Variants in SPEF2 observed in about 807,000 individuals in gnomAD.
The protein encoded by SPEF2 is sperm flagellar and cilia associated 2, also known as sperm flagella and cilia-associated protein 2.
A neutral mutation model predicts 224.6 loss-of-function variants in SPEF2; 187 were observed. The ratio of observed to expected loss-of-function variants is 0.83; its 90% CI spans 0.74 to 0.94. The LOEUF (loss-of-function observed/expected upper bound fraction) is 0.94, where lower values mean the gene tolerates loss of function less well. Ranked by LOEUF, SPEF2 falls within the 40% of genes least tolerant of loss-of-function variation. The pLI, the probability that SPEF2 is intolerant of heterozygous loss-of-function variation, is 0.00. For synonymous variants in SPEF2, 715 were observed against 707.3 expected, an observed-to-expected ratio of 1.01 and a Z score of -0.17; for missense variants, 2,170 against 2,135.6, an observed-to-expected ratio of 1.02 and a Z score of -0.32.
intron 20 of SPEF2, among the ~76,000 whole-genome samples, chr5:35,719,683 G>T (rs10067721): frequency 0.02 from 3,090 of 152,002 alleles, 115 homozygotes; most frequent in African/African-American, 0.072. Context: ...GTGCAGTAGC[G>T]TGATCTTGGC....
intron 20 of SPEF2, among the ~76,000 whole-genome samples, chr5:35,726,379 A>G (rs1485090693): frequency 6.6e-6 from 1 of 152,188 alleles, no homozygotes; most frequent in Non-Finnish European, 1.5e-5. Flanking sequence ...CCAGAGATTC[A>G]GGTCAAAGGA....
rs1201109862 is a variant in SPEF2 at position 35,728,917 on chromosome 5, T to C, written c.3063+1094T>C. Among the ~76,000 whole-genome samples the C allele has an allele frequency of 5.3e-5, 8 of 151,948 alleles. 1 individual carries two copies. Among genetic ancestry groups the C allele is most frequent in the Non-Finnish European group, 1.2e-4 (8 of 67,996 alleles). Reference sequence around the variant, plus strand: ...TCAAAAACTTACCATAGAAGCAAGATATAGAAGTGGGTGTTAGGAATAAGA... The same window carrying C: ...TCAAAAACTTACCATAGAAGCAAGACATAGAAGTGGGTGTTAGGAATAAGA... On this transcript the variant is annotated intron_variant, in intron 21 of 36. Transcript: ENST00000356031.
At chr5:35,620,722 A>G (rs907722940) in intron 1 of SPEF2, among the ~76,000 whole-genome samples, 2 of 152,228 alleles carry the variant, frequency 1.3e-5, no homozygotes, top group Admixed American at 6.5e-5. Context: ...GTTAGCTGCT[A>G]TAACTTTTGG....
At chr5:35,649,464 T>A in intron 6 of SPEF2, 39 bp downstream of exon 6, 1 of 1,488,336 alleles carries the variant, frequency 6.7e-7, no homozygotes, top group Middle Eastern at 1.7e-4. Context: ...AAAACCGCAT[T>A]CTGTTCTACA....
At chr5:35,757,765 T>A (rs1210732206) in intron 24 of SPEF2, among the ~76,000 whole-genome samples, 2 of 152,184 alleles carry the variant, frequency 1.3e-5, no homozygotes, top group African/African-American at 4.8e-5. Context: ...TTTCTTGTCA[T>A]TTCAAAATGC....
chr5:35,717,601 G>T (rs1273585548), intron 20 of SPEF2, among the ~76,000 whole-genome samples: 1 of 152,058 alleles, frequency 6.6e-6, no homozygotes, highest in Non-Finnish European at 1.5e-5. Context: ...GGGTTTTATT[G>T]GGTGAAAAGG....
chr5:35,779,709 T>A (rs1470600715), intron 30 of SPEF2, among the ~76,000 whole-genome samples: 1 of 152,218 alleles, frequency 6.6e-6, no homozygotes, highest in Non-Finnish European at 1.5e-5. Flanking sequence ...TATGAGTTTG[T>A]GTTTCTGTGA....
chr5:35,797,750 T>A (rs1262000722), intron 33 of SPEF2, among the ~76,000 whole-genome samples: 1 of 152,160 alleles, frequency 6.6e-6, no homozygotes, highest in Non-Finnish European at 1.5e-5. Flanking sequence ...AAGATGTTTG[T>A]TTACTTATTT....
At chr5:35,669,329 G>A (rs1300399569) in intron 9 of SPEF2, among the ~76,000 whole-genome samples, 1 of 151,972 alleles carries the variant, frequency 6.6e-6, no homozygotes, top group Non-Finnish European at 1.5e-5. Flanking sequence ...ATCTTGTCTT[G>A]AAACCATTTT....
intron 27 of SPEF2, among the ~76,000 whole-genome samples, chr5:35,772,863 T>C (rs888605427): frequency 2.0e-5 from 3 of 152,204 alleles, no homozygotes; most frequent in Admixed American, 6.5e-5. Flanking sequence ...ATATTACGAT[T>C]TCTTTGTTTA....
rs753153824 is a variant in SPEF2, at chr5:35,759,678, G to C, written c.3579G>C (p.Leu1193Phe). ...ACAAGAGATTTACTCGAATCCCTTT[G>C]GTCCAACTGGATAGTAAAGACAATT... Reference protein sequence around the residue: ...EDNKRFTRIPLVQLDSKDNSE... With the variant: ...EDNKRFTRIPFVQLDSKDNSE... Residue 1193 changes from leucine (L) to phenylalanine (F), a missense_variant, in exon 25 of 37, where the codon TTG becomes TTC. Physicochemically the swap from Leu to Phe is conservative, Grantham distance 22. Coordinates refer to ENST00000356031, the MANE Select transcript of SPEF2 (RefSeq NM_024867.4). 44 of 1,607,076 alleles carry C rather than the reference G, an allele frequency of 2.7e-5. No homozygotes were observed. Among genetic ancestry groups the C allele is most frequent in the Non-Finnish European group, 3.6e-5 (42 of 1,175,342 alleles).
chr5:35,713,471 C>T (rs1561245915), intron 20 of SPEF2, among the ~76,000 whole-genome samples: 1 of 151,872 alleles, frequency 6.6e-6, no homozygotes. Flanking sequence ...CGCAGTGGCT[C>T]ATGCCTGTAA....
At chr5:35,732,186 T>C (rs554502659) in intron 21 of SPEF2, among the ~76,000 whole-genome samples, 5 of 152,290 alleles carry the variant, frequency 3.3e-5, no homozygotes, top group South Asian at 2.1e-4. Flanking sequence ...GGGAGTACCA[T>C]AGATGTAGTA....
intron 19 of SPEF2, chr5:35,710,909 A>T: frequency 1.0e-6 from 1 of 982,772 alleles, no homozygotes; most frequent in Non-Finnish European, 1.2e-6. Context: ...CTGATATTTA[A>T]GAATGTTTAG....
chr5:35,759,326 G>T (rs1750900030), intron 24 of SPEF2, among the ~76,000 whole-genome samples: 1 of 152,122 alleles, frequency 6.6e-6, no homozygotes, highest in Non-Finnish European at 1.5e-5. Flanking sequence ...AAGAGGCACA[G>T]AAAAGTCATT....
intron 3 of SPEF2, chr5:35,643,413 A>C: frequency 2.2e-6 from 1 of 451,714 alleles, no homozygotes. Context: ...GGTAACATAG[A>C]TTATTCTTTC....
rs1465438660 is a variant in SPEF2, at chr5:35,779,297, T to G, written c.4398T>G (p.Ile1466Met). ...VEKEEDGTLT[I>M]EQLDSLRDQF... ...AGGAAGAAGATGGTACCCTGACCAT[T>G]GAACAGCTTGACAGTCTTCGAGATC... The change falls in exon 30 of 37, where the codon ATT (isoleucine) becomes ATG (methionine). Residue 1466 changes from isoleucine (I) to methionine (M), a missense_variant. Physicochemically the swap from Ile to Met is conservative, Grantham distance 10. Transcript: ENST00000356031. 4 of 1,613,788 alleles carry G rather than the reference T, an allele frequency of 2.5e-6. No individual in the cohort carries two copies. In the Admixed American group the frequency reaches 6.7e-5, roughly 27 times the overall value.
At chr5:35,785,194 G>T (rs1437375836) in intron 30 of SPEF2, among the ~76,000 whole-genome samples, 1 of 152,182 alleles carries the variant, frequency 6.6e-6, no homozygotes, top group African/African-American at 2.4e-5. Flanking sequence ...CAGCAAAGAG[G>T]ACTATGGCCC....
Position 35,763,584 on chromosome 5 carries a change from A to G in SPEF2, c.3683A>G (p.Lys1228Arg). Residue 1228 changes from lysine (K) to arginine (R), a missense_variant, in exon 26 of 37, where the codon AAA (lysine) becomes AGA (arginine). By Grantham distance (26) the Lys-to-Arg change is conservative. Transcript: ENST00000356031. ...ACAGTTACACCCAAACCAAAAACAA[A>G]ATCAGTACTGAAGGGCAAGATGGAT... ...LETVTPKPKT[K>R]SVLKGKMDNS... The G allele has an allele frequency of 3.7e-6, 6 of 1,613,360 alleles. No homozygotes were observed. The highest frequency in any genetic ancestry group is 1.1e-5 in the South Asian group (1 of 90,880).
Sources: gnomAD v4.1 joint callset for allele counts (sites outside exome capture counted in the v4.1 genomes callset) on GRCh38, gnomAD v4.1.1 for gene constraint, MANE v1.5 for transcripts, NCBI Gene and HGNC (gene_info 2026-07-23, HGNC 2026-07-21) for gene names.